The following FBXL7 variants were observed in gnomAD, a reference collection of about 807,000 sequenced individuals.
FBXL7 encodes F-box and leucine rich repeat protein 7, also known as F-box/LRR-repeat protein 7.
Under a neutral mutation model 38.3 loss-of-function variants are expected in FBXL7, and 12 were observed. The observed-to-expected ratio is 0.31, with a 90% CI of 0.20 to 0.51. The LOEUF (loss-of-function observed/expected upper bound fraction) is 0.51. Ranked by LOEUF, FBXL7 falls within the 20% of genes least tolerant of loss-of-function variation. The pLI is 0.98. For missense variants in FBXL7, 567 were observed against 676.4 expected (o/e 0.84, Z 1.79); for synonymous variants, 297 against 300.9 (o/e 0.99, Z 0.13).
chr5:15,737,075 A>G (rs752941811), intron 2 of FBXL7, among the ~76,000 whole-genome samples: 1 of 152,178 alleles, frequency 6.6e-6, no homozygotes, highest in South Asian at 2.1e-4. Context: ...CCAGAGTCAC[A>G]CAGCCAGTAA....
rs145657927 is a variant in FBXL7 at position 15,623,842 on chromosome 5, TA to T, written c.127+7773del. Reference sequence around the variant, plus strand: ...CCATTACACTTCTCTTGAGAAGGCATAAATGTTTTCATTTTGCAGATGAAAC... The same window carrying T: ...CCATTACACTTCTCTTGAGAAGGCATAATGTTTTCATTTTGCAGATGAAAC... On this transcript the variant is annotated intron_variant, in intron 2 of 3. Transcript: ENST00000504595. 6.3e-3 allele frequency among the ~76,000 whole-genome samples: 967 copies of T among 152,304 alleles called. 7 individuals carry two copies. The highest frequency in any genetic ancestry group is 0.022 in the African/African-American group (912 of 41,560).
At chr5:15,651,420 A>C (rs982629478) in intron 2 of FBXL7, among the ~76,000 whole-genome samples, 1 of 152,252 alleles carries the variant, frequency 6.6e-6, no homozygotes, top group South Asian at 2.1e-4. Context: ...AAGAATTGAA[A>C]GTCAAAATTA....
chr5:15,849,775 A>T (rs1739037044), intron 2 of FBXL7, among the ~76,000 whole-genome samples: 1 of 152,252 alleles, frequency 6.6e-6, no homozygotes, highest in Non-Finnish European at 1.5e-5. Flanking sequence ...GAAATGATTC[A>T]TACTATTATG....
At chr5:15,750,094 C>T (rs1736117617) in intron 2 of FBXL7, among the ~76,000 whole-genome samples, 2 of 152,166 alleles carry the variant, frequency 1.3e-5, no homozygotes, top group South Asian at 4.1e-4. Context: ...ACTGAAGAAA[C>T]ATAAGAGCCT....
intron 2 of FBXL7, among the ~76,000 whole-genome samples, chr5:15,822,597 C>T (rs936817343): frequency 2.7e-5 from 4 of 150,234 alleles, no homozygotes; most frequent in Admixed American, 6.6e-5. Context: ...ATTCCTAAAC[C>T]GGATGAACAT....
chr5:15,541,468 T>TATATAC (rs1737750320), intron 1 of FBXL7, among the ~76,000 whole-genome samples: 1 of 125,324 alleles, frequency 8.0e-6, no homozygotes, highest in Non-Finnish European at 1.7e-5. Context: ...TATATATATA[T>TATATAC]ATATATATAT....
At chr5:15,755,408 G>T (rs1736269444) in intron 2 of FBXL7, among the ~76,000 whole-genome samples, 1 of 152,124 alleles carries the variant, frequency 6.6e-6, no homozygotes, top group Admixed American at 6.6e-5. Flanking sequence ...GTGTGTGCGT[G>T]TGTGTATATG....
chr5:15,850,931 T>C (rs1452079587), intron 2 of FBXL7, among the ~76,000 whole-genome samples: 1 of 152,204 alleles, frequency 6.6e-6, no homozygotes, highest in Non-Finnish European at 1.5e-5. Flanking sequence ...GCTCATCTCT[T>C]GCGGCTTGGC....
intron 2 of FBXL7, among the ~76,000 whole-genome samples, chr5:15,715,038 C>T (rs139221556): frequency 1.9e-3 from 295 of 152,188 alleles, no homozygotes; most frequent in Non-Finnish European, 3.3e-3. Flanking sequence ...AGAAGGAACG[C>T]AGTCCTGCCA....
At chr5:15,544,811 G>A (rs1336700363) in intron 1 of FBXL7, among the ~76,000 whole-genome samples, 1 of 152,150 alleles carries the variant, frequency 6.6e-6, no homozygotes, top group East Asian at 1.9e-4. Flanking sequence ...GCTCAGCACA[G>A]TTTGGCTTGC....
intron 2 of FBXL7, among the ~76,000 whole-genome samples, chr5:15,828,543 T>G (rs1303863879): frequency 6.6e-6 from 1 of 152,180 alleles, no homozygotes; most frequent in African/African-American, 2.4e-5. Context: ...ATAAATCCCC[T>G]CCAGCTGGGA....
intron 2 of FBXL7, among the ~76,000 whole-genome samples, chr5:15,847,395 G>T (rs1307688971): frequency 6.6e-6 from 1 of 152,046 alleles, no homozygotes; most frequent in Non-Finnish European, 1.5e-5. Context: ...AAGAACAGCA[G>T]CATGAGGGCA....
At chr5:15,718,877 C>T (rs1235749457) in intron 2 of FBXL7, among the ~76,000 whole-genome samples, 1 of 152,204 alleles carries the variant, frequency 6.6e-6, no homozygotes, top group African/African-American at 2.4e-5. Flanking sequence ...GGTGCCAAAA[C>T]CCCTTTTATT....
intron 2 of FBXL7, among the ~76,000 whole-genome samples, chr5:15,831,174 C>A (rs1471720856): frequency 6.6e-6 from 1 of 152,156 alleles, no homozygotes; most frequent in African/African-American, 2.4e-5. Context: ...ATAACCTCAC[C>A]CCTTGCATGA....
intron 1 of FBXL7, among the ~76,000 whole-genome samples, chr5:15,577,840 T>C (rs1008335015): frequency 6.6e-6 from 1 of 152,194 alleles, no homozygotes; most frequent in Non-Finnish European, 1.5e-5. Flanking sequence ...CCAAACCCCA[T>C]ACATTATAAA....
intron 1 of FBXL7, among the ~76,000 whole-genome samples, chr5:15,607,999 A>G (rs1740087276): frequency 6.6e-6 from 1 of 152,206 alleles, no homozygotes; most frequent in Non-Finnish European, 1.5e-5. Context: ...GGGTTTAGCT[A>G]TTGGTCAAAT....
intron 2 of FBXL7, among the ~76,000 whole-genome samples, chr5:15,819,047 T>A (rs1738099018): frequency 6.6e-6 from 1 of 152,118 alleles, no homozygotes; most frequent in Non-Finnish European, 1.5e-5. Flanking sequence ...GGAAGCCAAT[T>A]AGCTAAGGAA....
chr5:15,555,968 G>C (rs373502524), intron 1 of FBXL7, among the ~76,000 whole-genome samples: 1 of 131,530 alleles, frequency 7.6e-6, no homozygotes, highest in Admixed American at 8.0e-5. Context: ...TCTGTCATCT[G>C]TCTATCATCT....
Position 15,856,426 on chromosome 5 carries a change from T to A in FBXL7, c.128-71464T>A, listed in dbSNP as rs1410799511. ...GTGGAAGGTGGGAGGTGGGAGAGGA[T>A]CAGGAAAAATAAATAATGGGTGCTA... On this transcript the variant is annotated intron_variant, in intron 2 of 3. Coordinates refer to ENST00000504595, the MANE Select transcript of FBXL7 (RefSeq NM_012304.5). Among the ~76,000 whole-genome samples, 3 of 152,040 alleles carry A rather than the reference T, an allele frequency of 2.0e-5. No individual in the cohort carries two copies. In the East Asian group the frequency reaches 5.8e-4, roughly 29 times the overall value.
Sources: gnomAD v4.1 joint callset for allele counts (sites outside exome capture counted in the v4.1 genomes callset) on GRCh38, gnomAD v4.1.1 for gene constraint, MANE v1.5 for transcripts, NCBI Gene and HGNC (gene_info 2026-07-23, HGNC 2026-07-21) for gene names.